The following CTNND2 variants were observed in gnomAD, a reference collection of about 807,000 sequenced individuals.
The protein encoded by CTNND2 is catenin delta 2, also known as catenin delta-2.
Under a neutral mutation model 144.4 loss-of-function variants are expected in CTNND2, and 22 were observed. That is an observed-to-expected ratio of 0.15 (90% CI 0.11 to 0.22). CTNND2 has a LOEUF of 0.22. Ranked by LOEUF, CTNND2 falls within the 10% of genes least tolerant of loss-of-function variation. The probability of loss-of-function intolerance (pLI) is 1.00; values close to 1 mark genes in which losing one functional copy is unlikely to be tolerated. For synonymous variants in CTNND2, 751 were observed against 695.6 expected, an observed-to-expected ratio of 1.08 and a Z score of -1.25; for missense variants, 1,353 against 1,618.8, an observed-to-expected ratio of 0.84 and a Z score of 2.82.
rs750059131 is a variant in CTNND2 at position 10,985,312 on chromosome 5, TCGCTATGGAAGC to T, written c.3343+2787_3343+2798del. On this transcript the variant is annotated intron_variant, in intron 20 of 21. Coordinates refer to ENST00000304623, the MANE Select transcript of CTNND2 (RefSeq NM_001332.4). The stretch of plus-strand genomic sequence containing the variant: ...CCCAGGCATGCAGGGCTGCAAGAAC[TCGCTATGGAAGC>T]CGGCATGCCTGAATGAATAGCCAAC... Among the ~76,000 whole-genome samples, 17 of 152,258 alleles carry T rather than the reference TCGCTATGGAAGC, an allele frequency of 1.1e-4. No individual in the cohort carries two copies. In the East Asian group the frequency reaches 1.9e-3, roughly 17 times the overall value.
At chr5:11,240,646 CCCA>C in intron 9 of CTNND2, among the ~76,000 whole-genome samples, 1 of 141,424 alleles carries the variant, frequency 7.1e-6, no homozygotes, top group Non-Finnish European at 1.5e-5. Flanking sequence ...ACCAAACATA[CCCA>C]ACACCCAACA....
chr5:11,733,438 T>C (rs896999922), intron 1 of CTNND2, among the ~76,000 whole-genome samples: 1 of 152,202 alleles, frequency 6.6e-6, no homozygotes, highest in Non-Finnish European at 1.5e-5. Context: ...AGAAGTCTTC[T>C]GTGTTTGTTG....
intron 6 of CTNND2, among the ~76,000 whole-genome samples, chr5:11,386,965 C>T (rs570574904): frequency 6.6e-6 from 1 of 152,234 alleles, no homozygotes; most frequent in East Asian, 1.9e-4. Flanking sequence ...AATTTTGCTT[C>T]TCTCCCAGTG....
chr5:11,879,549 C>T (rs1374374466), intron 1 of CTNND2, among the ~76,000 whole-genome samples: 2 of 151,690 alleles, frequency 1.3e-5, no homozygotes, highest in Non-Finnish European at 2.9e-5. Context: ...TATTTGAGCA[C>T]ATTATTGTAA....
chr5:11,492,531 G>T (rs867594985), intron 3 of CTNND2, among the ~76,000 whole-genome samples: 1 of 150,422 alleles, frequency 6.6e-6, no homozygotes, highest in Non-Finnish European at 1.5e-5. Flanking sequence ...GTGTGTGTGT[G>T]TGTGTATGTG....
chr5:11,708,275 A>T (rs1277319457), intron 2 of CTNND2, among the ~76,000 whole-genome samples: 1 of 152,164 alleles, frequency 6.6e-6, no homozygotes, highest in Admixed American at 6.5e-5. Context: ...AACCCATTGC[A>T]GAGTAATAAA....
chr5:11,053,809 G>A (rs1746082393), intron 16 of CTNND2, among the ~76,000 whole-genome samples: 1 of 152,178 alleles, frequency 6.6e-6, no homozygotes, highest in Non-Finnish European at 1.5e-5. Context: ...TGGGATTCCA[G>A]CTTCTGTGTG....
rs150847243 is a variant in CTNND2, at chr5:11,172,281, A to C, written c.1976-12522T>G. 2.7e-3 allele frequency among the ~76,000 whole-genome samples: 406 copies of C among 152,296 alleles called. 2 individuals carry two copies. The highest frequency in any genetic ancestry group is 9.4e-3 in the African/African-American group (391 of 41,562). ...CTGGTGACTTTAACTGACTTCACCA[A>C]CATCAGCTTCCTCCTGAGAAACAGG... is the stretch of plus-strand genomic sequence containing the variant. On this transcript the variant is annotated intron_variant, in intron 11 of 21. Transcript: ENST00000304623.
At chr5:11,332,229 C>T (rs531695773) in intron 9 of CTNND2, among the ~76,000 whole-genome samples, 25 of 149,722 alleles carry the variant, frequency 1.7e-4, no homozygotes, top group East Asian at 1.6e-3. Flanking sequence ...GAGTGGAGAT[C>T]GCGCCATTGC....
Position 11,517,940 on chromosome 5 carries a change from C to T in CTNND2, c.287+47004G>A, listed in dbSNP as rs547431291. Reference sequence around the variant, plus strand: ...GATCTTCGGACACAGACAAATACTGCAGGATTACGTTTATATGTGGAATCT... The same window carrying T: ...GATCTTCGGACACAGACAAATACTGTAGGATTACGTTTATATGTGGAATCT... On this transcript the variant is annotated intron_variant, in intron 3 of 21. Coordinates refer to ENST00000304623, the MANE Select transcript of CTNND2 (RefSeq NM_001332.4). 3.4e-4 allele frequency among the ~76,000 whole-genome samples: 52 copies of T among 152,224 alleles called. 1 individual carries two copies. In the South Asian group the frequency reaches 4.8e-3, roughly 14 times the overall value.
At chr5:11,081,188 G>A (rs1266212420) in intron 16 of CTNND2, among the ~76,000 whole-genome samples, 3 of 151,764 alleles carry the variant, frequency 2.0e-5, no homozygotes, top group East Asian at 3.9e-4. Context: ...GAGGAATGGG[G>A]AGATGTTGGT....
intron 10 of CTNND2, among the ~76,000 whole-genome samples, chr5:11,226,340 A>G (rs951980731): frequency 7.2e-5 from 11 of 152,042 alleles, no homozygotes; most frequent in Admixed American, 7.2e-4. Flanking sequence ...CCCACTCCTT[A>G]TTGCTGTCCA....
chr5:11,504,257 TTGC>T (rs1036031193), intron 3 of CTNND2, among the ~76,000 whole-genome samples: 12 of 152,206 alleles, frequency 7.9e-5, no homozygotes, highest in African/African-American at 2.7e-4. Context: ...TCTAATGCTG[TTGC>T]TGCTGCTGCT....
chr5:11,607,486 T>C (rs1780110163), intron 2 of CTNND2, among the ~76,000 whole-genome samples: 1 of 152,226 alleles, frequency 6.6e-6, no homozygotes, highest in Admixed American at 6.5e-5. Context: ...TTTTGATTAC[T>C]GAGTTTTAAG....
At chr5:11,043,184 T>C (rs1744865539) in intron 16 of CTNND2, among the ~76,000 whole-genome samples, 2 of 152,238 alleles carry the variant, frequency 1.3e-5, no homozygotes, top group South Asian at 2.1e-4. Context: ...AACCCAAAGA[T>C]ACTTAAATGT....
At chr5:10,983,806 C>T (rs939068545) in intron 20 of CTNND2, among the ~76,000 whole-genome samples, 4 of 152,100 alleles carry the variant, frequency 2.6e-5, no homozygotes, top group Non-Finnish European at 5.9e-5. Flanking sequence ...TGCTCCAATG[C>T]CCTTCACCCT....
At position 10,972,341 on chromosome 5, in the gene CTNND2, T is replaced by C. The variant is rs1242040998; in HGVS notation, c.*1112A>G. ...GGAACAAACTGATGTACATTTATAC[T>C]AAAAAACCAAAAACAAAGTTTGTAC... On this transcript the variant is annotated 3_prime_UTR_variant, in exon 22 of 22. Coordinates refer to ENST00000304623, the MANE Select transcript of CTNND2 (RefSeq NM_001332.4). 6.6e-6 allele frequency: 1 copy of C among 152,346 alleles called. No individual in the cohort carries two copies. Among genetic ancestry groups the C allele is most frequent in the Non-Finnish European group, 1.5e-5 (1 of 68,030 alleles). The allele number at this position is 152,346 out of a possible 1,614,324, so 9.4% of individuals were successfully genotyped here. A position where few individuals can be genotyped will look rare whatever the true frequency, so the allele number is the denominator to read the frequency against.
At chr5:11,295,814 C>T (rs1748895852) in intron 9 of CTNND2, among the ~76,000 whole-genome samples, 1 of 152,128 alleles carries the variant, frequency 6.6e-6, no homozygotes, top group African/African-American at 2.4e-5. Flanking sequence ...CTTCCTTACA[C>T]TTTATACAAA....
chr5:11,034,317 C>T (rs566180642), intron 16 of CTNND2, among the ~76,000 whole-genome samples: 110 of 152,260 alleles, frequency 7.2e-4, no homozygotes, highest in African/African-American at 2.6e-3. Context: ...AAAAGGTTAA[C>T]GAGTGTTCAG....
Sources: gnomAD v4.1 joint callset for allele counts (sites outside exome capture counted in the v4.1 genomes callset) on GRCh38, gnomAD v4.1.1 for gene constraint, MANE v1.5 for transcripts, NCBI Gene and HGNC (gene_info 2026-07-23, HGNC 2026-07-21) for gene names.